ZSCAN5C: variants seen among roughly 807,000 people sequenced by gnomAD.
ZSCAN5C encodes zinc finger and SCAN domain-containing protein 5C.
ZSCAN5C carries 11 observed loss-of-function variants against 17.3 expected under a neutral mutation model. The ratio of observed to expected loss-of-function variants is 0.64; its 90% confidence interval spans 0.40 to 1.06. The LOEUF is 1.06. ZSCAN5C is among the 50% of genes least tolerant of loss of function. The pLI, the probability that ZSCAN5C is intolerant of heterozygous loss-of-function variation, is 0.00. For missense variants in ZSCAN5C, 698 were observed against 538.9 expected (o/e 1.30, Z -2.92); for synonymous variants, 229 against 208.4 (o/e 1.10, Z -0.85).
exon 5 of ZSCAN5C, chr19:56,208,624 C>A: frequency 9.9e-6 from 16 of 1,608,784 alleles, no homozygotes; most frequent in Non-Finnish European, 1.4e-5. Context: ...CAGACGCCAC[C>A]TCCATTTCCC....
intron 3 of ZSCAN5C, 97 bp downstream of exon 3, chr19:56,207,359 C>G (rs1167625045): frequency 1.3e-5 from 8 of 625,020 alleles, no homozygotes; most frequent in Non-Finnish European, 2.0e-5. Flanking sequence ...TGGCACAGGA[C>G]AAGATTACAG....
Position 56,207,191 on chromosome 19 carries a change from T to C in ZSCAN5C, c.517T>C (p.Cys173Arg), listed in dbSNP as rs372754174. 2.2e-5 allele frequency: 17 copies of C among 778,462 alleles called. 2 individuals carry two copies. Among genetic ancestry groups the C allele is most frequent in the South Asian group, 1.6e-4 (12 of 73,892 alleles). The allele number at this position is 778,462 out of a possible 1,614,324, so 48.2% of individuals were successfully genotyped here. ...GCGGACCTCCTCTGTGAACCAGATG[T>C]GTCCGGAGGAAGGCCAGGCCAGCCA... The change falls in exon 3 of 5, where the codon TGT becomes CGT. Residue 173 changes from cysteine (C) to arginine (R), a missense_variant. Coordinates refer to ENST00000534327, the Ensembl canonical transcript of ZSCAN5C.
At chr19:56,202,374 T>C (rs1365868610) in intron 1 of ZSCAN5C, 52 bp downstream of exon 1, 2 of 149,548 alleles carry the variant, frequency 1.3e-5, no homozygotes, top group East Asian at 1.9e-4. Context: ...CCTGCAGGGG[T>C]TGGTTTCAGA....
chr19:56,208,469 G>A (rs1371807754), exon 5 of ZSCAN5C: 5 of 1,412,104 alleles, frequency 3.5e-6, no homozygotes, highest in Non-Finnish European at 3.0e-6. Flanking sequence ...GGGAGCAAAG[G>A]AGGGGAAGGA....
exon 5 of ZSCAN5C, chr19:56,208,903 C>T: frequency 6.2e-7 from 1 of 1,606,400 alleles, no homozygotes; most frequent in Non-Finnish European, 8.5e-7. Flanking sequence ...AGCGCATAGG[C>T]CTGCAATTTC....
At chr19:56,206,636 C>T (rs1234663010) in intron 2 of ZSCAN5C, among the ~76,000 whole-genome samples, 3 of 151,480 alleles carry the variant, frequency 2.0e-5, no homozygotes, top group Admixed American at 6.6e-5. Context: ...TGTGTGAGGC[C>T]AACATGAAAG....
At position 56,203,393 on chromosome 19, in the gene ZSCAN5C, C is replaced by T. The variant is rs2146336940; in HGVS notation, c.-128+1071C>T. ...AACAATGTAAAATGGGTAAATTGAG[C>T]TGATATTCACATGCCTTACTTTATG... On this transcript the variant is annotated intron_variant, in intron 1 of 4. Transcript: ENST00000534327. Among the ~76,000 whole-genome samples the T allele has an allele frequency of 2.0e-5, 3 of 151,960 alleles. 1 individual carries two copies. Among genetic ancestry groups the T allele is most frequent in the Admixed American group, 2.0e-4 (3 of 15,294 alleles).
chr19:56,205,130 G>T (rs1356131895), intron 1 of ZSCAN5C, among the ~76,000 whole-genome samples: 1 of 151,826 alleles, frequency 6.6e-6, no homozygotes. Context: ...AGGGTGATGA[G>T]ATAATTCTGG....
intron 3 of ZSCAN5C, 44 bp from the exon 4 acceptor site, chr19:56,207,990 C>T (rs997772490): frequency 3.6e-5 from 25 of 687,968 alleles, no homozygotes; most frequent in Middle Eastern, 2.4e-4. Context: ...GTCCTTCCAC[C>T]GGTTTAGGCA....
rs769676888 is a variant in ZSCAN5C at position 56,209,181 on chromosome 19, G to A, written c.1472G>A (p.Arg491Gln). ...TTAAGACGCCACCAGAAAACACATC[G>A]AGAAGCCACTTCACAGTGACTTCAC... is the stretch of plus-strand genomic sequence containing the variant. Residue 491 changes from arginine to glutamine, a missense_variant, in exon 5 of 5, where the codon CGA (arginine) becomes CAA (glutamine). Transcript: ENST00000534327. The A allele has an allele frequency of 5.9e-5, 53 of 899,222 alleles. No individual in the cohort carries two copies. The South Asian group carries it at 6.9e-4, about 12-fold the overall frequency. 55.7% of individuals were successfully genotyped at this position (899,222 alleles called of 1,614,324 possible).
chr19:56,203,216 T>C (rs2032888804), intron 1 of ZSCAN5C, among the ~76,000 whole-genome samples: 2 of 151,910 alleles, frequency 1.3e-5, no homozygotes, highest in Admixed American at 6.6e-5. Context: ...GCAGGTGCCC[T>C]GTGGCAAAAT....
chr19:56,206,524 T>C (rs9916948), intron 2 of ZSCAN5C, among the ~76,000 whole-genome samples: 35,565 of 151,520 alleles, frequency 0.23, 5,367 homozygotes, highest in East Asian at 0.52. Context: ...GGACAACCCA[T>C]CATGACAAAT....
intron 1 of ZSCAN5C, 126 bp downstream of exon 1, chr19:56,202,448 T>C (rs959614119): frequency 1.3e-5 from 2 of 151,846 alleles, no homozygotes; most frequent in Non-Finnish European, 2.9e-5. Context: ...TCAGAAAGAT[T>C]TGGGTTTATT....
exon 5 of ZSCAN5C, chr19:56,209,164 C>A: frequency 8.6e-7 from 1 of 1,156,322 alleles, no homozygotes; most frequent in Non-Finnish European, 1.3e-6. Context: ...CCTTAAGACG[C>A]CACCAGAAAA....
exon 5 of ZSCAN5C, chr19:56,209,042 T>C (rs1192222244): frequency 3.1e-6 from 5 of 1,611,166 alleles, no homozygotes; most frequent in Admixed American, 1.7e-5. Flanking sequence ...ATGTAAAGAC[T>C]GCAAGAAAGT....
At chr19:56,207,155 G>C (rs1470320579) in exon 3 of ZSCAN5C, 1 of 778,560 alleles carries the variant, frequency 1.3e-6, no homozygotes, top group Non-Finnish European at 2.4e-6. Context: ...TCCGAGACAC[G>C]TGTCCAGCCA....
exon 5 of ZSCAN5C, chr19:56,208,664 G>A (rs1215146880): frequency 1.9e-6 from 3 of 1,612,638 alleles, no homozygotes; most frequent in Non-Finnish European, 8.5e-7. Context: ...AGCCACACCT[G>A]TGGGCAACAG....
At chr19:56,208,737 G>A (rs758229904) in exon 5 of ZSCAN5C, 3 of 1,610,940 alleles carry the variant, frequency 1.9e-6, no homozygotes, top group Non-Finnish European at 1.7e-6. Context: ...GGCCCAGTCA[G>A]TCACCCCAGT....
chr19:56,206,764 T>G (rs1387383644), intron 2 of ZSCAN5C, among the ~76,000 whole-genome samples: 3 of 138,266 alleles, frequency 2.2e-5, no homozygotes, highest in East Asian at 2.1e-4. Context: ...TATCAGAGAT[T>G]CAGGGATCTG....
Sources: gnomAD v4.1 joint callset for allele counts (sites outside exome capture counted in the v4.1 genomes callset) on GRCh38, gnomAD v4.1.1 for gene constraint, MANE v1.5 for transcripts, NCBI Gene and HGNC (gene_info 2026-07-23, HGNC 2026-07-21) for gene names.